The following PACRG variants were observed in gnomAD, a reference collection of about 807,000 sequenced individuals.
PACRG encodes parkin coregulated, also known as parkin coregulated gene protein.
PACRG carries 29 observed loss-of-function variants against 29.7 expected under a neutral mutation model. The ratio of observed to expected loss-of-function variants is 0.98; its 90% CI spans 0.73 to 1.33. PACRG has a LOEUF of 1.33. Ranked by LOEUF, PACRG falls within the 40% of genes most tolerant of loss-of-function variation. The pLI is 0.00. For synonymous variants in PACRG, 116 were observed against 118.7 expected, an observed-to-expected ratio of 0.98 and a Z score of 0.15; for missense variants, 279 against 316.2, an observed-to-expected ratio of 0.88 and a Z score of 0.89.
chr6:163,122,762 A>G (rs571448860), intron 4 of PACRG, among the ~76,000 whole-genome samples: 44 of 152,340 alleles, frequency 2.9e-4, no homozygotes, highest in African/African-American at 1.1e-3. Flanking sequence ...ACAAATTGGT[A>G]TATGAAAACC....
chr6:162,866,853 T>A lies in PACRG; in HGVS notation c.291+52572T>A, dbSNP rs533814132. ...ACCAGAGATACTCATGACAGGAAAC[T>A]TGACAAGCTCCACTGTGCATGTTTG... On this transcript the variant is annotated intron_variant, in intron 2 of 4. Coordinates refer to ENST00000366888, the MANE Select transcript of PACRG (RefSeq NM_001080379.2). Among the ~76,000 whole-genome samples the A allele has an allele frequency of 1.3e-4, 20 of 152,280 alleles. No homozygotes were observed. In the South Asian group the frequency reaches 4.1e-3, roughly 32 times the overall value.
intron 4 of PACRG, among the ~76,000 whole-genome samples, chr6:163,286,293 A>T (rs11760094): frequency 0.15 from 22,591 of 152,154 alleles, 2,010 homozygotes; most frequent in Non-Finnish European, 0.2. Flanking sequence ...CAGTATGTAC[A>T]GCTGTTTTTA....
intron 3 of PACRG, among the ~76,000 whole-genome samples, chr6:163,074,780 G>A (rs1023770724): frequency 6.6e-6 from 1 of 152,250 alleles, no homozygotes; most frequent in South Asian, 2.1e-4. Flanking sequence ...ATGTTGGTTG[G>A]TTCCTTTAAA....
At chr6:163,023,763 G>A (rs1806859355) in intron 2 of PACRG, among the ~76,000 whole-genome samples, 1 of 152,004 alleles carries the variant, frequency 6.6e-6, no homozygotes, top group Non-Finnish European at 1.5e-5. Context: ...TTTAATAATT[G>A]TCATTCCAAC....
chr6:162,999,220 C>T (rs1423520001), intron 2 of PACRG, among the ~76,000 whole-genome samples: 2 of 152,154 alleles, frequency 1.3e-5, no homozygotes, highest in African/African-American at 2.4e-5. Context: ...TTGCTGGAAG[C>T]CCCATTCTTA....
rs1791081018 is a variant in PACRG, at chr6:162,853,285, C to A, written c.291+39004C>A. Among the ~76,000 whole-genome samples, 1 of 152,150 alleles carries A rather than the reference C, an allele frequency of 6.6e-6. No individual in the cohort carries two copies. Among genetic ancestry groups the A allele is most frequent in the Admixed American group, 6.5e-5 (1 of 15,282 alleles). On this transcript the variant is annotated intron_variant, in intron 2 of 4. Transcript: ENST00000366888. The surrounding 1 kb of genome is among the most constrained non-coding windows in gnomAD (Gnocchi z 4.7). Reference sequence around the variant, plus strand: ...AGCTTTGTGTACCCAGTATAAAAATCTCTGCTCCAGAATGGCTTGATCTCC... The same window carrying A: ...AGCTTTGTGTACCCAGTATAAAAATATCTGCTCCAGAATGGCTTGATCTCC...
chr6:162,818,179 G>A (rs541090955), intron 2 of PACRG, among the ~76,000 whole-genome samples: 11 of 152,222 alleles, frequency 7.2e-5, no homozygotes, highest in African/African-American at 1.9e-4. Context: ...TGGGAAATAC[G>A]ACTGTTGATT....
At chr6:162,858,211 G>C (rs114701233) in intron 2 of PACRG, among the ~76,000 whole-genome samples, 4,271 of 152,238 alleles carry the variant, frequency 0.028, 210 homozygotes, top group African/African-American at 0.099. Flanking sequence ...CCACATGGCG[G>C]GGGAGGCCTC....
chr6:163,034,496 A>G (rs1420253478), intron 2 of PACRG, among the ~76,000 whole-genome samples: 1 of 152,028 alleles, frequency 6.6e-6, no homozygotes, highest in East Asian at 1.9e-4. Context: ...TTGGTCAAGC[A>G]TCCGTGCCTT....
chr6:163,020,931 C>G (rs1403020725), intron 2 of PACRG, among the ~76,000 whole-genome samples: 1 of 152,174 alleles, frequency 6.6e-6, no homozygotes, highest in African/African-American at 2.4e-5. Context: ...TTGCTGCCCC[C>G]ACGGCCTCAG....
intron 4 of PACRG, chr6:163,170,659 G>C (rs1483707012): frequency 1.3e-5 from 2 of 152,156 alleles, no homozygotes; most frequent in African/African-American, 2.4e-5. Flanking sequence ...CCCTCAAGTG[G>C]TCCAGCTTCC....
intron 4 of PACRG, among the ~76,000 whole-genome samples, chr6:163,297,311 G>A (rs369159560): frequency 2.0e-5 from 3 of 152,344 alleles, no homozygotes; most frequent in African/African-American, 7.2e-5. Flanking sequence ...TGGAGGTCAC[G>A]GTTCAGGTTG....
chr6:162,927,311 C>T (rs1797517468), intron 2 of PACRG, among the ~76,000 whole-genome samples: 1 of 151,948 alleles, frequency 6.6e-6, no homozygotes, highest in Non-Finnish European at 1.5e-5. Flanking sequence ...GGTATATACC[C>T]AAAGGAATAT....
At chr6:163,005,075 G>A (rs1429271020) in intron 2 of PACRG, among the ~76,000 whole-genome samples, 1 of 151,968 alleles carries the variant, frequency 6.6e-6, no homozygotes, top group African/African-American at 2.4e-5. Context: ...TGTCATGTAA[G>A]CTGTATTAAT....
intron 2 of PACRG, among the ~76,000 whole-genome samples, chr6:162,922,051 G>A (rs1374376438): frequency 6.6e-6 from 1 of 151,704 alleles, no homozygotes; most frequent in Non-Finnish European, 1.5e-5. Flanking sequence ...CTTTTTCCAC[G>A]TCTAGTCCCC....
rs189118938 is a variant in PACRG, at chr6:162,806,048, A to G, written c.157-8099A>G. Among the ~76,000 whole-genome samples the G allele has an allele frequency of 3.9e-5, 6 of 152,268 alleles. No homozygotes were observed. The East Asian group carries it at 1.2e-3, about 29-fold the overall frequency. On this transcript the variant is annotated intron_variant, in intron 1 of 4. Coordinates refer to ENST00000366888, the MANE Select transcript of PACRG (RefSeq NM_001080379.2). The stretch of plus-strand genomic sequence containing the variant: ...CAGAATATTTAAATTTACATTGCCC[A>G]GATACATCAGAGGAATCACCATCTA...
At chr6:162,937,258 ATTAAC>A (rs1375534844) in intron 2 of PACRG, among the ~76,000 whole-genome samples, 1 of 152,230 alleles carries the variant, frequency 6.6e-6, no homozygotes, top group Admixed American at 6.5e-5. Flanking sequence ...AATTGGTAAA[ATTAAC>A]TTTAATGAAT....
At chr6:162,974,744 T>C (rs1584914894) in intron 2 of PACRG, among the ~76,000 whole-genome samples, 1 of 152,334 alleles carries the variant, frequency 6.6e-6, no homozygotes, top group Middle Eastern at 3.4e-3. Flanking sequence ...TCATGAATAA[T>C]CTTATCCGGG....
chr6:163,177,276 A>G (rs1779408078), intron 4 of PACRG, among the ~76,000 whole-genome samples: 1 of 152,196 alleles, frequency 6.6e-6, no homozygotes, highest in Non-Finnish European at 1.5e-5. Context: ...ACTGAGTACA[A>G]TTACCAAAGA....
Sources: gnomAD v4.1 joint callset for allele counts (sites outside exome capture counted in the v4.1 genomes callset) on GRCh38, gnomAD v4.1.1 for gene constraint, Gnocchi (gnomAD v3.1) non-coding constraint, MANE v1.5 for transcripts, NCBI Gene and HGNC (gene_info 2026-07-23, HGNC 2026-07-21) for gene names.